The following ZNF423 variants were observed in gnomAD, a reference collection of about 807,000 sequenced individuals.
The protein encoded by ZNF423 is Ebf-associated zinc finger protein.
Under a neutral mutation model 95.8 loss-of-function variants are expected in ZNF423, and 12 were observed. The ratio of observed to expected loss-of-function variants is 0.13; its 90% CI spans 0.08 to 0.20. The LOEUF (loss-of-function observed/expected upper bound fraction) is 0.20. Among genes scored for constraint, ZNF423 ranks in the 10% least tolerant of loss-of-function variants. ZNF423 has a pLI of 1.00. For missense variants in ZNF423, 1,316 were observed against 1,737.1 expected, an observed-to-expected ratio of 0.76 and a Z score of 4.31; for synonymous variants, 749 against 711.9, an observed-to-expected ratio of 1.05 and a Z score of -0.83.
Position 49,773,244 on chromosome 16 carries a change from A to G in ZNF423, c.100+16243T>C, listed in dbSNP as rs1432075443. Among the ~76,000 whole-genome samples, 9 of 152,226 alleles carry G rather than the reference A, an allele frequency of 5.9e-5. No individual in the cohort carries two copies. The East Asian group carries it at 1.5e-3, about 26-fold the overall frequency. On this transcript the variant is annotated intron_variant, in intron 2 of 7. Coordinates refer to ENST00000563137, the MANE Select transcript of ZNF423 (RefSeq NM_001379286.1). ...TGAGGCAGGAGAATCGCTTGAACCC[A>G]GGAGGCGAAAATTGCAGTGAGCCGA...
rs542468627 is a variant in ZNF423 at position 49,849,575 on chromosome 16, G to C, written c.40+6160C>G. Among the ~76,000 whole-genome samples, 10 of 152,258 alleles carry C rather than the reference G, an allele frequency of 6.6e-5. No individual in the cohort carries two copies. The East Asian group carries it at 1.9e-3, about 29-fold the overall frequency. On this transcript the variant is annotated intron_variant, in intron 1 of 7. Coordinates refer to ENST00000563137, the MANE Select transcript of ZNF423 (RefSeq NM_001379286.1). ...TGAAGAATTCGGAGATAATGATGTG[G>C]TTGCCTTTGAATTTGACTTGTCACA...
At chr16:49,803,458 A>C (rs1216296195) in intron 1 of ZNF423, among the ~76,000 whole-genome samples, 1 of 152,116 alleles carries the variant, frequency 6.6e-6, no homozygotes, top group Non-Finnish European at 1.5e-5. Context: ...TTAGGTCAGA[A>C]GCTTGATTGC....
At chr16:49,577,967 C>T (rs1970551502) in intron 5 of ZNF423, among the ~76,000 whole-genome samples, 1 of 152,210 alleles carries the variant, frequency 6.6e-6, no homozygotes, top group Non-Finnish European at 1.5e-5. Context: ...ACATGGCAGG[C>T]ACACACTGTG....
intron 1 of ZNF423, among the ~76,000 whole-genome samples, chr16:49,791,497 A>T (rs988217215): frequency 2.0e-5 from 3 of 152,178 alleles, no homozygotes; most frequent in Non-Finnish European, 4.4e-5. Context: ...ACACATGTAA[A>T]TATATGGTGC....
chr16:49,542,219 CCTGCTGGGTCT>C (rs756819818), intron 5 of ZNF423, among the ~76,000 whole-genome samples: 112 of 152,270 alleles, frequency 7.4e-4, no homozygotes, highest in Non-Finnish European at 1.3e-3. Flanking sequence ...CTTTCTGGTC[CCTGCTGGGTCT>C]CTGCCTTCAT....
intron 3 of ZNF423, among the ~76,000 whole-genome samples, chr16:49,694,104 C>T (rs542054057): frequency 2.6e-5 from 4 of 152,278 alleles, no homozygotes; most frequent in South Asian, 4.2e-4. Context: ...CTCCCCATGC[C>T]GTGATCATTT....
intron 1 of ZNF423, among the ~76,000 whole-genome samples, chr16:49,803,279 T>A (rs1876002): frequency 0.65 from 90,448 of 138,620 alleles, 27,371 homozygotes; most frequent in African/African-American, 0.72. Flanking sequence ...AAAATAAAAA[T>A]AAACGGAGAC....
At position 49,606,562 on chromosome 16, in the gene ZNF423, CA is replaced by C. The variant is rs1971543652; in HGVS notation, c.3601+19607del. Among the ~76,000 whole-genome samples the C allele has an allele frequency of 2.6e-5, 4 of 152,170 alleles. No individual in the cohort carries two copies. In the South Asian group the frequency reaches 8.3e-4, roughly 32 times the overall value. The stretch of plus-strand genomic sequence containing the variant: ...TATCCCCTCAAGTGCTGGGGATGCC[CA>C]GGGGGCTCAGGTCCCAGAGGGAGAA... On this transcript the variant is annotated intron_variant, in intron 5 of 7. Transcript: ENST00000563137.
chr16:49,837,708 G>A lies in ZNF423; in HGVS notation c.40+18027C>T, dbSNP rs140005053. Among the ~76,000 whole-genome samples the A allele has an allele frequency of 4.3e-3, 660 of 152,272 alleles. 5 individuals carry two copies. Among genetic ancestry groups the A allele is most frequent in the Middle Eastern group, 0.031 (9 of 294 alleles). On this transcript the variant is annotated intron_variant, in intron 1 of 7. Coordinates refer to ENST00000563137, the MANE Select transcript of ZNF423 (RefSeq NM_001379286.1). ...CCAGATTTTGTCCCATCATGTCCTCGTGGACAGAGACTATGGCCTCTTCTT... is the reference window on the plus strand; with the variant it reads ...CCAGATTTTGTCCCATCATGTCCTCATGGACAGAGACTATGGCCTCTTCTT...
chr16:49,707,477 T>A (rs1210472885), intron 3 of ZNF423, among the ~76,000 whole-genome samples: 2 of 151,564 alleles, frequency 1.3e-5, no homozygotes, highest in Non-Finnish European at 2.9e-5. Context: ...AATAGCCAGG[T>A]ATGGTGGCAG....
At chr16:49,573,130 A>G (rs1292897379) in intron 5 of ZNF423, among the ~76,000 whole-genome samples, 1 of 152,130 alleles carries the variant, frequency 6.6e-6, no homozygotes. Flanking sequence ...GGGTGGATGA[A>G]TGGACTGATG....
chr16:49,583,277 G>C (rs1194660425), intron 5 of ZNF423, among the ~76,000 whole-genome samples: 1 of 152,174 alleles, frequency 6.6e-6, no homozygotes, highest in Non-Finnish European at 1.5e-5. Flanking sequence ...TGAAAGAATA[G>C]CAAGAACAGT....
intron 3 of ZNF423, among the ~76,000 whole-genome samples, chr16:49,717,587 G>A (rs953076766): frequency 2.0e-5 from 3 of 152,230 alleles, no homozygotes; most frequent in African/African-American, 7.2e-5. Flanking sequence ...GGAAGACTGG[G>A]TCCTTCGCCC....
intron 1 of ZNF423, among the ~76,000 whole-genome samples, chr16:49,804,782 C>T (rs1182947071): frequency 6.6e-6 from 1 of 152,046 alleles, no homozygotes; most frequent in East Asian, 1.9e-4. Context: ...ACCCTGTGCA[C>T]ACCAACCCTG....
At chr16:49,621,125 G>A (rs1361333985) in intron 5 of ZNF423, among the ~76,000 whole-genome samples, 1 of 152,174 alleles carries the variant, frequency 6.6e-6, no homozygotes, top group African/African-American at 2.4e-5. Context: ...CTCGGAGGGG[G>A]TGAAGGGGAG....
intron 1 of ZNF423, among the ~76,000 whole-genome samples, chr16:49,827,377 C>G (rs894452187): frequency 6.6e-6 from 1 of 152,056 alleles, no homozygotes; most frequent in Admixed American, 6.6e-5. Context: ...TGGTTACCAA[C>G]AACAACAAGC....
At chr16:49,831,954 A>G (rs1217829942) in intron 1 of ZNF423, among the ~76,000 whole-genome samples, 1 of 151,734 alleles carries the variant, frequency 6.6e-6, no homozygotes, top group Non-Finnish European at 1.5e-5. Flanking sequence ...TAAGCACTCC[A>G]GCCTGGGTGA....
chr16:49,547,805 T>A (rs946100299), intron 5 of ZNF423, among the ~76,000 whole-genome samples: 5 of 152,236 alleles, frequency 3.3e-5, no homozygotes, highest in Non-Finnish European at 7.3e-5. Flanking sequence ...ACGCCTGGCA[T>A]CTGAAACATC....
Position 49,635,916 on chromosome 16 carries a change from A to C in ZNF423, c.3260T>G (p.Leu1087Arg), listed in dbSNP as rs1172394005. The C allele has an allele frequency of 1.3e-6, 2 of 1,584,758 alleles. No individual in the cohort carries two copies. Among genetic ancestry groups the C allele is most frequent in the Non-Finnish European group, 1.7e-6 (2 of 1,165,454 alleles). Reference sequence around the variant, plus strand: ...CAGCCCATTGACGTCAAGCTTCACCAGGTCCTGCTTGCTGCGGAACTCCTT... The same window carrying C: ...CAGCCCATTGACGTCAAGCTTCACCCGGTCCTGCTTGCTGCGGAACTCCTT... ...CLKEFRSKQD[L>R]VKLDVNGLPY... The change falls in exon 4 of 8, where the codon CTG (leucine) becomes CGG (arginine). Residue 1087 changes from leucine (L) to arginine (R), a missense_variant. By Grantham distance (102) the Leu-to-Arg change is moderately radical. This residue lies in a region of ZNF423 where 620 missense variants were observed against 775.6 expected (regional missense o/e 0.80). Coordinates refer to ENST00000563137, the MANE Select transcript of ZNF423 (RefSeq NM_001379286.1). This position sits in a 1 kb window ranked among gnomAD's most constrained non-coding sequence, Gnocchi z 4.8.
Sources: gnomAD v4.1 joint callset for allele counts (sites outside exome capture counted in the v4.1 genomes callset) on GRCh38, gnomAD v4.1.1 for gene constraint, gnomAD v4.1.1 regional missense constraint, Gnocchi (gnomAD v3.1) non-coding constraint, MANE v1.5 for transcripts, NCBI Gene and HGNC (gene_info 2026-07-23, HGNC 2026-07-21) for gene names.